The following TTC39B variants were observed in gnomAD, a reference collection of about 807,000 sequenced individuals.
TTC39B encodes tetratricopeptide repeat protein 39B.
In TTC39B, 92 loss-of-function variants were observed where a neutral mutation model predicts 96.6. That is an observed-to-expected ratio of 0.95 (90% CI 0.80 to 1.13). TTC39B has a LOEUF of 1.13. TTC39B is among the 50% of genes most tolerant of loss of function. The pLI is 0.00. For synonymous variants in TTC39B, 367 were observed against 299.4 expected (o/e 1.23, Z -2.33); for missense variants, 955 against 809.3 (o/e 1.18, Z -2.18).
chr9:15,243,542 G>C (rs747999398), intron 2 of TTC39B, among the ~76,000 whole-genome samples: 1 of 152,278 alleles, frequency 6.6e-6, no homozygotes, highest in South Asian at 2.1e-4. Flanking sequence ...AAGCACTTTC[G>C]TAAGAACCAA....
chr9:15,298,426 G>C (rs1824460405), intron 1 of TTC39B, among the ~76,000 whole-genome samples: 1 of 152,192 alleles, frequency 6.6e-6, no homozygotes, highest in African/African-American at 2.4e-5. Flanking sequence ...AGGTTTAATG[G>C]ACTCACATTT....
chr9:15,247,326 C>T (rs527732670), intron 2 of TTC39B, among the ~76,000 whole-genome samples: 37 of 152,308 alleles, frequency 2.4e-4, no homozygotes, highest in African/African-American at 8.7e-4. Context: ...ATAAGGAAGA[C>T]TTCATTCTAA....
intron 8 of TTC39B, among the ~76,000 whole-genome samples, chr9:15,198,579 G>A (rs1322093811): frequency 6.6e-6 from 1 of 151,254 alleles, no homozygotes; most frequent in Non-Finnish European, 1.5e-5. Flanking sequence ...TAAGTTGACT[G>A]TAATAACTTA....
chr9:15,275,702 A>T lies in TTC39B; in HGVS notation c.241-7754T>A, dbSNP rs564511145. 2.6e-5 allele frequency among the ~76,000 whole-genome samples: 4 copies of T among 152,248 alleles called. No homozygotes were observed. The South Asian group carries it at 8.3e-4, about 32-fold the overall frequency. On this transcript the variant is annotated intron_variant, in intron 1 of 19. Coordinates refer to ENST00000512701, the Ensembl canonical transcript of TTC39B. Reference sequence around the variant, plus strand: ...GGTGGGGAAGGAATTAGGCAGGTGGAAATGTATAAGGTAAGGCCCCAAGGT... The same window carrying T: ...GGTGGGGAAGGAATTAGGCAGGTGGTAATGTATAAGGTAAGGCCCCAAGGT...
At chr9:15,278,672 G>T (rs1422046555) in intron 1 of TTC39B, among the ~76,000 whole-genome samples, 2 of 152,114 alleles carry the variant, frequency 1.3e-5, no homozygotes, top group Admixed American at 1.3e-4. Flanking sequence ...CACCAGTGGA[G>T]GTATTTTTAA....
chr9:15,190,528 A>G (rs1818795455), intron 11 of TTC39B, 26 bp downstream of exon 11: 1 of 1,594,162 alleles, frequency 6.3e-7, no homozygotes, highest in Non-Finnish European at 8.6e-7. Context: ...TCAATGTTCA[A>G]TGAAACAATC....
chr9:15,214,324 G>A (rs982326782), intron 3 of TTC39B, 75 bp from the exon 4 acceptor site: 56 of 796,626 alleles, frequency 7.0e-5, no homozygotes, highest in Non-Finnish European at 1.1e-4. Context: ...GAGTGTGTGT[G>A]TGTGTGTGTG....
intron 3 of TTC39B, among the ~76,000 whole-genome samples, chr9:15,221,278 A>G (rs1256645997): frequency 4.6e-5 from 7 of 152,188 alleles, no homozygotes; most frequent in African/African-American, 1.7e-4. Context: ...ATGAGTAGGG[A>G]AGAGCTCTCC....
intron 1 of TTC39B, among the ~76,000 whole-genome samples, chr9:15,280,057 G>A (rs1180461707): frequency 1.3e-5 from 2 of 151,834 alleles, no homozygotes; most frequent in African/African-American, 2.4e-5. Context: ...CACCAAACCC[G>A]GCTAATTTTT....
chr9:15,283,529 G>A (rs1823844815), intron 1 of TTC39B, among the ~76,000 whole-genome samples: 1 of 146,378 alleles, frequency 6.8e-6, no homozygotes, highest in Admixed American at 7.1e-5. Flanking sequence ...CATGCCAGGA[G>A]AACTTTTTAC....
intron 2 of TTC39B, among the ~76,000 whole-genome samples, chr9:15,267,035 T>C (rs950683279): frequency 2.1e-4 from 32 of 152,186 alleles, no homozygotes; most frequent in Admixed American, 8.5e-4. Flanking sequence ...GCCGAGATCG[T>C]GCCACTGCAC....
At chr9:15,252,386 C>T (rs1344786268) in intron 2 of TTC39B, among the ~76,000 whole-genome samples, 5 of 152,190 alleles carry the variant, frequency 3.3e-5, no homozygotes, top group East Asian at 3.9e-4. Context: ...CAGTGGCTCA[C>T]GCCTGTAATC....
At chr9:15,295,089 C>T (rs1017955013) in intron 1 of TTC39B, among the ~76,000 whole-genome samples, 2 of 152,156 alleles carry the variant, frequency 1.3e-5, no homozygotes, top group African/African-American at 4.8e-5. Context: ...ATGAAGGAAA[C>T]AAGCACATTT....
chr9:15,208,942 A>T (rs1205843125), intron 6 of TTC39B, among the ~76,000 whole-genome samples: 1 of 152,236 alleles, frequency 6.6e-6, no homozygotes, highest in Non-Finnish European at 1.5e-5. Context: ...TCTGACATAC[A>T]CTTGACCATT....
At chr9:15,266,724 C>T (rs1469870774) in intron 2 of TTC39B, among the ~76,000 whole-genome samples, 1 of 152,014 alleles carries the variant, frequency 6.6e-6, no homozygotes, top group African/African-American at 2.4e-5. Context: ...CTTTGGGAGA[C>T]AATCGGATTT....
chr9:15,239,969 G>A (rs1380696497), intron 2 of TTC39B, among the ~76,000 whole-genome samples: 1 of 152,074 alleles, frequency 6.6e-6, no homozygotes, highest in African/African-American at 2.4e-5. Flanking sequence ...ACACACCACT[G>A]GAAATCTATT....
intron 1 of TTC39B, among the ~76,000 whole-genome samples, chr9:15,290,363 A>G (rs1824139179): frequency 6.6e-6 from 1 of 152,190 alleles, no homozygotes; most frequent in African/African-American, 2.4e-5. Context: ...TTCTGTTCCT[A>G]AACAGATAGC....
At position 15,306,976 on chromosome 9, in the gene TTC39B, G is replaced by T; in HGVS notation, c.240+108C>A. 6.7e-7 allele frequency: 1 copy of T among 1,496,996 alleles called. No individual in the cohort carries two copies. The highest frequency in any genetic ancestry group is 2.3e-5 in the Admixed American group (1 of 43,184). 92.7% of individuals were successfully genotyped at this position (1,496,996 alleles called of 1,614,324 possible). On this transcript the variant is annotated intron_variant, in intron 1 of 19. Transcript: ENST00000512701. This position sits in a 1 kb window ranked among gnomAD's most constrained non-coding sequence, Gnocchi z 5.1. ...GCGCCCGCCAGCCCACCCCAGAGAG[G>T]GGACCAAGGGGGCGGGGCCTCGGCC...
At chr9:15,285,148 C>A (rs1317808623) in intron 1 of TTC39B, among the ~76,000 whole-genome samples, 2 of 151,842 alleles carry the variant, frequency 1.3e-5, no homozygotes, top group South Asian at 4.2e-4. Flanking sequence ...GCCTGTAGTC[C>A]CAGCTACTCG....
Sources: allele counts gnomAD v4.1 joint callset (sites outside exome capture counted in the v4.1 genomes callset), GRCh38; gene constraint gnomAD v4.1.1; non-coding constraint Gnocchi (gnomAD v3.1); transcripts MANE v1.5; gene names NCBI Gene and HGNC (gene_info 2026-07-23, HGNC 2026-07-21).